Variants in DPP10 observed in about 807,000 individuals in gnomAD.
DPP10 encodes the protein dipeptidyl peptidase like 10.
DPP10 carries 33 observed loss-of-function variants against 120.9 expected under a neutral mutation model. The observed-to-expected ratio is 0.27, with a 90% CI of 0.21 to 0.37. The LOEUF is 0.37. Ranked by LOEUF, DPP10 falls within the 10% of genes least tolerant of loss-of-function variation. The pLI is 1.00. For synonymous variants in DPP10, 337 were observed against 326.1 expected, an observed-to-expected ratio of 1.03 and a Z score of -0.36; for missense variants, 816 against 942.8, an observed-to-expected ratio of 0.87 and a Z score of 1.76.
At chr2:114,800,620 T>C (rs1389478519) in intron 1 of DPP10, among the ~76,000 whole-genome samples, 1 of 152,178 alleles carries the variant, frequency 6.6e-6, no homozygotes, top group African/African-American at 2.4e-5. Flanking sequence ...GGACTGATTG[T>C]TATTGTTCTT....
At chr2:114,878,358 A>G (rs1691324426) in intron 1 of DPP10, among the ~76,000 whole-genome samples, 1 of 152,126 alleles carries the variant, frequency 6.6e-6, no homozygotes, top group Admixed American at 6.6e-5. Context: ...ATACATGCAT[A>G]CAAAGTGTAA....
intron 1 of DPP10, among the ~76,000 whole-genome samples, chr2:114,931,959 A>G (rs1439869898): frequency 6.6e-6 from 1 of 152,236 alleles, no homozygotes. Context: ...TTTAACAGGG[A>G]CATTGCCTTT....
At chr2:115,077,324 A>G (rs933447340) in intron 1 of DPP10, among the ~76,000 whole-genome samples, 15 of 152,202 alleles carry the variant, frequency 9.9e-5, no homozygotes, top group African/African-American at 3.6e-4. Context: ...TTAAAAAGAT[A>G]AAAGAATTAT....
chr2:115,481,905 A>C (rs373331682), intron 3 of DPP10, among the ~76,000 whole-genome samples: 3 of 152,116 alleles, frequency 2.0e-5, no homozygotes, highest in Non-Finnish European at 4.4e-5. Flanking sequence ...AGTAGAGGTA[A>C]GGATGAGAAT....
chr2:114,539,813 A>G (rs1303470554), intron 1 of DPP10, among the ~76,000 whole-genome samples: 1 of 152,202 alleles, frequency 6.6e-6, no homozygotes. Context: ...GGCCTCCCAT[A>G]TACAGCACTA....
chr2:115,778,225 C>A (rs1575751403), intron 15 of DPP10, among the ~76,000 whole-genome samples: 1 of 152,008 alleles, frequency 6.6e-6, no homozygotes, highest in Non-Finnish European at 1.5e-5. Context: ...TATTCTTGTA[C>A]AATATAATGT....
At chr2:115,072,768 A>G (rs1707473089) in intron 1 of DPP10, among the ~76,000 whole-genome samples, 1 of 152,184 alleles carries the variant, frequency 6.6e-6, no homozygotes, top group Non-Finnish European at 1.5e-5. Flanking sequence ...GAAATGATGT[A>G]TATTGAATAG....
intron 1 of DPP10, among the ~76,000 whole-genome samples, chr2:115,109,152 T>C (rs1318163538): frequency 2.0e-5 from 3 of 152,142 alleles, no homozygotes; most frequent in African/African-American, 2.4e-5. Flanking sequence ...TGGGGAAGGA[T>C]TGCCCCTTGT....
chr2:114,519,465 C>T (rs140422298), intron 1 of DPP10, among the ~76,000 whole-genome samples: 67 of 152,314 alleles, frequency 4.4e-4, no homozygotes, highest in East Asian at 3.9e-3. Flanking sequence ...AATTGGGTTC[C>T]GAGGTCTGAG....
chr2:115,529,094 TTA>T (rs1303775454), intron 5 of DPP10, among the ~76,000 whole-genome samples: 3 of 152,182 alleles, frequency 2.0e-5, no homozygotes, highest in African/African-American at 7.2e-5. Flanking sequence ...GTAAAAATAA[TTA>T]TGTCAAAATA....
At chr2:115,427,173 C>A (rs555103796) in intron 3 of DPP10, among the ~76,000 whole-genome samples, 1 of 152,288 alleles carries the variant, frequency 6.6e-6, no homozygotes, top group South Asian at 2.1e-4. Context: ...GTGTCTTTTC[C>A]GCACTGAAGT....
chr2:114,831,022 ATTTTTTTTTTTTTTTTTTTTT>A (rs70941010), intron 1 of DPP10, among the ~76,000 whole-genome samples: 766 of 46,000 alleles, frequency 0.017, 25 homozygotes, highest in African/African-American at 0.06. Context: ...CCATGCAAAG[ATTTTTTTTTTTTTTTTTTTTT>A]TTTTTTTTTT....
intron 1 of DPP10, among the ~76,000 whole-genome samples, chr2:115,307,249 G>A (rs887480486): frequency 6.6e-6 from 1 of 151,958 alleles, no homozygotes; most frequent in Non-Finnish European, 1.5e-5. Context: ...GACTATGTCT[G>A]GTAGACATTA....
At chr2:115,690,682 G>A (rs2091268595) in intron 7 of DPP10, among the ~76,000 whole-genome samples, 1 of 152,116 alleles carries the variant, frequency 6.6e-6, no homozygotes, top group Admixed American at 6.6e-5. Context: ...CCAAAGTGAT[G>A]GGATTACAGA....
intron 7 of DPP10, among the ~76,000 whole-genome samples, chr2:115,724,797 C>T (rs1002448016): frequency 1.3e-5 from 2 of 152,150 alleles, no homozygotes; most frequent in African/African-American, 4.8e-5. Flanking sequence ...CACATCTGCT[C>T]GGCTTCTGGG....
intron 3 of DPP10, among the ~76,000 whole-genome samples, chr2:115,351,982 C>T (rs1033961654): frequency 6.6e-6 from 1 of 151,824 alleles, no homozygotes; most frequent in Non-Finnish European, 1.5e-5. Flanking sequence ...AAATAGTTTT[C>T]TTCAAGAAAA....
At chr2:115,701,210 A>G (rs896278210) in intron 7 of DPP10, among the ~76,000 whole-genome samples, 3 of 152,106 alleles carry the variant, frequency 2.0e-5, no homozygotes, top group Non-Finnish European at 2.9e-5. Context: ...AGAATTCAAA[A>G]TAGTGTGACA....
chr2:114,597,551 G>A (rs923853094), intron 1 of DPP10, among the ~76,000 whole-genome samples: 8 of 151,810 alleles, frequency 5.3e-5, no homozygotes, highest in South Asian at 2.1e-4. Context: ...TGAAGGCTGC[G>A]GCTATATTTT....
chr2:115,566,552 A>G (rs1297042861), intron 5 of DPP10, among the ~76,000 whole-genome samples: 1 of 152,064 alleles, frequency 6.6e-6, no homozygotes, highest in Admixed American at 6.5e-5. Context: ...GGCCAGTGGG[A>G]TCCAGTTCAA....
Sources: gnomAD v4.1 joint callset for allele counts (sites outside exome capture counted in the v4.1 genomes callset) on GRCh38, gnomAD v4.1.1 for gene constraint, MANE v1.5 for transcripts, NCBI Gene and HGNC (gene_info 2026-07-23, HGNC 2026-07-21) for gene names.